MAPKAP1: variants seen among roughly 807,000 people sequenced by gnomAD.
MAPKAP1 encodes target of rapamycin complex 2 subunit MAPKAP1.
A neutral mutation model predicts 65.7 loss-of-function variants in MAPKAP1; 20 were observed. The observed-to-expected ratio is 0.30, with a 90% CI of 0.21 to 0.44. MAPKAP1 has a LOEUF of 0.44. Ranked by LOEUF, MAPKAP1 falls within the 20% of genes least tolerant of loss-of-function variation. MAPKAP1 has a pLI of 1.00. For missense variants in MAPKAP1, 423 were observed against 648.0 expected, an observed-to-expected ratio of 0.65 and a Z score of 3.77; for synonymous variants, 222 against 244.3, an observed-to-expected ratio of 0.91 and a Z score of 0.85.
chr9:125,649,798 CAAAAAAAAAAA>C (rs35503728), intron 4 of MAPKAP1, among the ~76,000 whole-genome samples: 5 of 76,210 alleles, frequency 6.6e-5, no homozygotes, highest in African/African-American at 2.8e-4. Context: ...AACTCCGTCT[CAAAAAAAAAAA>C]AAAAAAAAGA....
intron 10 of MAPKAP1, among the ~76,000 whole-genome samples, chr9:125,458,927 T>A: frequency 1.8e-5 from 1 of 56,354 alleles, no homozygotes. Flanking sequence ...CCCCCCCACC[T>A]CCCTCCCGGA....
At chr9:125,506,099 T>C (rs1466421776) in intron 8 of MAPKAP1, 1 of 605,296 alleles carries the variant, frequency 1.7e-6, no homozygotes, top group African/African-American at 1.8e-5. Context: ...AATCACAGAG[T>C]GCTAAACAGG....
intron 4 of MAPKAP1, among the ~76,000 whole-genome samples, chr9:125,614,630 TATA>T (rs1381480907): frequency 2.0e-5 from 3 of 151,938 alleles, no homozygotes; most frequent in East Asian, 3.9e-4. Context: ...CGTCTCAAAA[TATA>T]ATAATAATAA....
intron 1 of MAPKAP1, among the ~76,000 whole-genome samples, chr9:125,698,235 T>A (rs1835447938): frequency 7.3e-6 from 1 of 137,902 alleles, no homozygotes; most frequent in Non-Finnish European, 1.5e-5. Context: ...ATATTCCATC[T>A]CAAAATATAT....
chr9:125,454,433 G>A (rs938848825), intron 10 of MAPKAP1, among the ~76,000 whole-genome samples: 2 of 152,124 alleles, frequency 1.3e-5, no homozygotes, highest in Admixed American at 1.3e-4. Context: ...AGAATCACTG[G>A]AGTGGAGAGC....
chr9:125,621,990 G>C (rs1021813038), intron 4 of MAPKAP1, among the ~76,000 whole-genome samples: 4 of 152,174 alleles, frequency 2.6e-5, no homozygotes, highest in Non-Finnish European at 5.9e-5. Context: ...TGGCAACATG[G>C]ATGAGTCTGG....
At chr9:125,456,354 C>T (rs1242624596) in intron 10 of MAPKAP1, among the ~76,000 whole-genome samples, 2 of 152,188 alleles carry the variant, frequency 1.3e-5, no homozygotes, top group African/African-American at 4.8e-5. Flanking sequence ...AGAACACTTG[C>T]TATGACTCCA....
intron 7 of MAPKAP1, among the ~76,000 whole-genome samples, chr9:125,539,111 A>G (rs539533532): frequency 6.6e-6 from 1 of 152,336 alleles, no homozygotes; most frequent in East Asian, 1.9e-4. Context: ...CTGTAATTCT[A>G]AACAGATATA....
chr9:125,490,898 G>C (rs1854685788), intron 8 of MAPKAP1, among the ~76,000 whole-genome samples: 1 of 152,170 alleles, frequency 6.6e-6, no homozygotes, highest in African/African-American at 2.4e-5. Flanking sequence ...AGCACTTTGG[G>C]AGGCCAAGGT....
intron 6 of MAPKAP1, among the ~76,000 whole-genome samples, chr9:125,546,757 C>T (rs1008078629): frequency 6.6e-6 from 1 of 152,110 alleles, no homozygotes; most frequent in Non-Finnish European, 1.5e-5. Flanking sequence ...TCCTGGCCTG[C>T]CTTCCCTGTG....
intron 7 of MAPKAP1, among the ~76,000 whole-genome samples, chr9:125,508,071 C>CG (rs1253935019): frequency 1.1e-4 from 16 of 151,890 alleles, no homozygotes; most frequent in Non-Finnish European, 2.4e-4. Context: ...GAGGCTGAGG[C>CG]GGGGGGATTG....
intron 9 of MAPKAP1, among the ~76,000 whole-genome samples, chr9:125,480,296 G>C (rs888757139): frequency 6.6e-6 from 1 of 152,178 alleles, no homozygotes; most frequent in Non-Finnish European, 1.5e-5. Flanking sequence ...TGAAATTTCT[G>C]ATTATAATGA....
chr9:125,648,476 C>T (rs189288634), intron 4 of MAPKAP1, among the ~76,000 whole-genome samples: 8 of 152,234 alleles, frequency 5.3e-5, no homozygotes, highest in Admixed American at 3.3e-4. Context: ...ATTCTAAACA[C>T]GCAGAAATCA....
intron 7 of MAPKAP1, among the ~76,000 whole-genome samples, chr9:125,537,947 C>G (rs977033150): frequency 6.6e-6 from 1 of 152,180 alleles, no homozygotes; most frequent in African/African-American, 2.4e-5. Context: ...CCGCACCTCC[C>G]CATGGCCTTG....
intron 1 of MAPKAP1, among the ~76,000 whole-genome samples, chr9:125,687,712 G>C (rs1835027478): frequency 6.6e-6 from 1 of 152,100 alleles, no homozygotes. Context: ...TTGAGCCCAG[G>C]AGTTCAAGGT....
intron 4 of MAPKAP1, among the ~76,000 whole-genome samples, chr9:125,625,211 G>A (rs1160575374): frequency 1.1e-5 from 1 of 87,190 alleles, no homozygotes; most frequent in Non-Finnish European, 2.1e-5. Flanking sequence ...ATCCCCCTCT[G>A]TGAGAAACAC....
chr9:125,447,685 G>A lies in MAPKAP1; in HGVS notation c.1346-3087C>T, dbSNP rs900743616. ...AGCAAAGGACAGAGAAATGAACACCGAGAGTCAAATATGATGAGCGTGAAG... is the reference window on the plus strand; with the variant it reads ...AGCAAAGGACAGAGAAATGAACACCAAGAGTCAAATATGATGAGCGTGAAG... On this transcript the variant is annotated intron_variant, in intron 10 of 11. Transcript: ENST00000265960. This position sits in a 1 kb window ranked among gnomAD's most constrained non-coding sequence, Gnocchi z 4.5. 6.6e-5 allele frequency among the ~76,000 whole-genome samples: 10 copies of A among 152,228 alleles called. No homozygotes were observed. The highest frequency in any genetic ancestry group is 2.0e-4 in the Admixed American group (3 of 15,290).
intron 3 of MAPKAP1, 83 bp from the exon 4 acceptor site, chr9:125,657,882 C>T (rs1834076151): frequency 1.5e-6 from 2 of 1,331,756 alleles, no homozygotes; most frequent in Admixed American, 1.9e-5. Flanking sequence ...TTCCTTAGAA[C>T]CTTAAGGAAG....
chr9:125,672,277 T>G (rs764572811), intron 2 of MAPKAP1, 39 bp downstream of exon 2: 5 of 1,606,922 alleles, frequency 3.1e-6, no homozygotes, highest in Non-Finnish European at 3.4e-6. Flanking sequence ...TGTTTACTGA[T>G]TTAAAGCTCA....
Sources: allele counts gnomAD v4.1 joint callset (sites outside exome capture counted in the v4.1 genomes callset), GRCh38; gene constraint gnomAD v4.1.1; non-coding constraint Gnocchi (gnomAD v3.1); transcripts MANE v1.5; gene names NCBI Gene and HGNC (gene_info 2026-07-23, HGNC 2026-07-21).